The following FOXP1 variants were observed in gnomAD, a reference collection of about 807,000 sequenced individuals.
The protein encoded by FOXP1 is forkhead box protein P1.
FOXP1 carries 15 observed loss-of-function variants against 98.2 expected under a neutral mutation model. That is an observed-to-expected ratio of 0.15 (90% CI 0.10 to 0.24). The LOEUF is 0.24. Ranked by LOEUF, FOXP1 falls within the 10% of genes least tolerant of loss-of-function variation. The probability of loss-of-function intolerance (pLI) is 1.00; values close to 1 mark genes in which losing one functional copy is unlikely to be tolerated. For missense variants in FOXP1, 633 were observed against 848.5 expected, an observed-to-expected ratio of 0.75 and a Z score of 3.15; for synonymous variants, 371 against 314.5, an observed-to-expected ratio of 1.18 and a Z score of -1.90.
intron 3 of FOXP1, among the ~76,000 whole-genome samples, chr3:71,413,290 A>ACACACACACACC (rs371166757): frequency 0.033 from 4,604 of 138,022 alleles, 169 homozygotes; most frequent in Non-Finnish European, 0.048. Flanking sequence ...ACACACACAC[A>ACACACACACACC]CCCAAAACAG....
chr3:71,457,803 A>T (rs145736465), intron 3 of FOXP1, among the ~76,000 whole-genome samples: 1 of 152,326 alleles, frequency 6.6e-6, no homozygotes, highest in African/African-American at 2.4e-5. Flanking sequence ...ATTGATATTT[A>T]TGGGTAAGTT....
chr3:71,253,005 A>G (rs1234118963), intron 5 of FOXP1, among the ~76,000 whole-genome samples: 1 of 152,170 alleles, frequency 6.6e-6, no homozygotes, highest in African/African-American at 2.4e-5. Context: ...CAGCATCCAC[A>G]ATGCAGCTGA....
chr3:71,543,633 C>T (rs577198164), intron 2 of FOXP1: 6 of 152,362 alleles, frequency 3.9e-5, no homozygotes, highest in Admixed American at 1.3e-4. Context: ...CTCAGCTAGC[C>T]GTGGAGGCAC....
At chr3:71,103,697 G>A (rs1304399578) in intron 7 of FOXP1, among the ~76,000 whole-genome samples, 1 of 152,116 alleles carries the variant, frequency 6.6e-6, no homozygotes, top group Non-Finnish European at 1.5e-5. Flanking sequence ...GCAAGGTGGG[G>A]GGAGGGAAGA....
At chr3:71,054,642 A>T (rs974649376) in intron 7 of FOXP1, among the ~76,000 whole-genome samples, 5 of 152,218 alleles carry the variant, frequency 3.3e-5, no homozygotes, top group Non-Finnish European at 4.4e-5. Flanking sequence ...TTAGCTATTC[A>T]AAATAATCAC....
At chr3:71,234,691 C>A (rs554192906) in intron 5 of FOXP1, among the ~76,000 whole-genome samples, 6 of 152,288 alleles carry the variant, frequency 3.9e-5, no homozygotes, top group Non-Finnish European at 5.9e-5. Context: ...CAAAAGCTAA[C>A]ATTTACATTA....
At chr3:71,536,329 A>C (rs2044284909) in intron 2 of FOXP1, among the ~76,000 whole-genome samples, 1 of 152,156 alleles carries the variant, frequency 6.6e-6, no homozygotes, top group Non-Finnish European at 1.5e-5. Flanking sequence ...GAACAATGCA[A>C]TTCGCTTACC....
intron 6 of FOXP1, among the ~76,000 whole-genome samples, chr3:71,145,497 G>A (rs1488416155): frequency 1.4e-4 from 21 of 152,012 alleles, no homozygotes; most frequent in Non-Finnish European, 2.6e-4. Flanking sequence ...AGCTGAGATC[G>A]TACCACTGCA....
intron 4 of FOXP1, among the ~76,000 whole-genome samples, chr3:71,350,854 C>T (rs2077729200): frequency 6.6e-6 from 1 of 152,146 alleles, no homozygotes; most frequent in Non-Finnish European, 1.5e-5. Context: ...GAAACCAGCA[C>T]TCTTTTCACC....
At chr3:71,114,281 A>G (rs1021646527) in intron 6 of FOXP1, among the ~76,000 whole-genome samples, 8 of 152,208 alleles carry the variant, frequency 5.3e-5, no homozygotes, top group Non-Finnish European at 7.3e-5. Flanking sequence ...GTGGAATGGA[A>G]GAGAGGTAAG....
intron 2 of FOXP1, among the ~76,000 whole-genome samples, chr3:71,527,003 AG>A (rs1231278529): frequency 1.3e-5 from 2 of 150,678 alleles, no homozygotes; most frequent in Non-Finnish European, 3.0e-5. Context: ...CTCTGCAGGG[AG>A]GTAGCCCTAC....
chr3:71,177,840 C>CTTTTTTTTTTTT (rs397704711), intron 6 of FOXP1, among the ~76,000 whole-genome samples: 13 of 114,940 alleles, frequency 1.1e-4, no homozygotes, highest in South Asian at 2.7e-4. Context: ...TTCTTTCTTT[C>CTTTTTTTTTTTT]TTTTTTTTTT....
At chr3:71,390,958 T>A (rs182870318) in intron 3 of FOXP1, among the ~76,000 whole-genome samples, 2 of 152,194 alleles carry the variant, frequency 1.3e-5, no homozygotes, top group Non-Finnish European at 2.9e-5. Context: ...GCAAAATCCT[T>A]TTCAAAGTAA....
intron 6 of FOXP1, among the ~76,000 whole-genome samples, chr3:71,183,210 T>C (rs2062436029): frequency 6.6e-6 from 1 of 152,070 alleles, no homozygotes; most frequent in Non-Finnish European, 1.5e-5. Context: ...ATACCAAAAG[T>C]TGGCCATGCA....
At chr3:71,381,706 A>T (rs1172506618) in intron 3 of FOXP1, among the ~76,000 whole-genome samples, 1 of 152,118 alleles carries the variant, frequency 6.6e-6, no homozygotes, top group African/African-American at 2.4e-5. Flanking sequence ...AGTCTCCCAA[A>T]GTGCGGGACT....
chr3:71,358,544 T>C (rs1484959452), intron 4 of FOXP1, among the ~76,000 whole-genome samples: 1 of 152,260 alleles, frequency 6.6e-6, no homozygotes, highest in Non-Finnish European at 1.5e-5. Flanking sequence ...TCTTGTTTCA[T>C]CCTTACAACA....
At chr3:71,517,679 T>C (rs1366167672) in intron 2 of FOXP1, among the ~76,000 whole-genome samples, 7 of 152,202 alleles carry the variant, frequency 4.6e-5, no homozygotes, top group Admixed American at 6.5e-5. Flanking sequence ...CTCTCTTTTA[T>C]TGAATACTGG....
intron 2 of FOXP1, among the ~76,000 whole-genome samples, chr3:71,548,003 G>A (rs1447942709): frequency 2.6e-5 from 4 of 152,176 alleles, no homozygotes; most frequent in African/African-American, 9.7e-5. Flanking sequence ...GAGGACAAAG[G>A]GCTTTGGAAA....
intron 4 of FOXP1, among the ~76,000 whole-genome samples, chr3:71,346,579 C>A (rs1432094052): frequency 6.6e-6 from 1 of 152,128 alleles, no homozygotes; most frequent in Non-Finnish European, 1.5e-5. Flanking sequence ...TAAGGAAGCA[C>A]CTAATCGAGA....
Sources: gnomAD v4.1 joint callset for allele counts (sites outside exome capture counted in the v4.1 genomes callset) on GRCh38, gnomAD v4.1.1 for gene constraint, MANE v1.5 for transcripts, NCBI Gene and HGNC (gene_info 2026-07-23, HGNC 2026-07-21) for gene names.